CSMD2: variants seen among roughly 807,000 people sequenced by gnomAD.
The protein encoded by CSMD2 is CUB and Sushi multiple domains 2.
In CSMD2, 130 loss-of-function variants were observed where a neutral mutation model predicts 398.5. That is an observed-to-expected ratio of 0.33 (90% CI 0.28 to 0.38). CSMD2 has a LOEUF of 0.38. Among genes scored for constraint, CSMD2 ranks in the 10% least tolerant of loss-of-function variants. CSMD2 has a pLI of 1.00. For synonymous variants in CSMD2, 1,828 were observed against 1,908.5 expected (o/e 0.96, Z 1.10); for missense variants, 3,829 against 4,764.9 (o/e 0.80, Z 5.78).
chr1:33,705,217 C>A (rs182023708), intron 22 of CSMD2, among the ~76,000 whole-genome samples: 60 of 152,228 alleles, frequency 3.9e-4, no homozygotes, highest in Non-Finnish European at 7.4e-5. Context: ...ACTAACATAA[C>A]CATCACCTCA....
At chr1:33,620,906 A>G (rs1428523462) in intron 37 of CSMD2, among the ~76,000 whole-genome samples, 2 of 149,010 alleles carry the variant, frequency 1.3e-5, no homozygotes, top group African/African-American at 5.0e-5. Context: ...CAGCTGGATG[A>G]AGTTCATTTG....
rs570693861 is a variant in CSMD2 at position 34,155,438 on chromosome 1, G to A, written c.187+9473C>T. Among the ~76,000 whole-genome samples the A allele has an allele frequency of 8.5e-5, 13 of 152,328 alleles. No individual in the cohort carries two copies. The South Asian group carries it at 2.7e-3, about 32-fold the overall frequency. On this transcript the variant is annotated intron_variant, in intron 1 of 70. Transcript: ENST00000373381. ...CCTGGACGAATGTGTTAGTGAGAGT[G>A]AAGCCCAAGCAGTCAACTCTCCGAG...
At chr1:33,563,027 A>G (rs933383516) in intron 53 of CSMD2, among the ~76,000 whole-genome samples, 9 of 152,232 alleles carry the variant, frequency 5.9e-5, no homozygotes, top group Non-Finnish European at 2.9e-5. Flanking sequence ...ACAGGCTGCC[A>G]TGGGCAGAAG....
intron 2 of CSMD2, among the ~76,000 whole-genome samples, chr1:34,081,788 A>G (rs1181407591): frequency 6.6e-6 from 1 of 152,152 alleles, no homozygotes; most frequent in South Asian, 2.1e-4. Context: ...GGCCTCCCAA[A>G]GTGCTGACAT....
chr1:34,005,353 G>A (rs906758823), intron 3 of CSMD2, among the ~76,000 whole-genome samples: 1 of 152,230 alleles, frequency 6.6e-6, no homozygotes, highest in Admixed American at 6.5e-5. Flanking sequence ...AGAGGATTAG[G>A]TGGGGAGAGA....
rs1655878908 is a variant in CSMD2 at position 33,537,177 on chromosome 1, A to G, written c.9806-82T>C. 1.3e-6 allele frequency: 2 copies of G among 1,491,676 alleles called. No individual in the cohort carries two copies. Among genetic ancestry groups the G allele is most frequent in the East Asian group, 2.3e-5 (1 of 44,300 alleles). 92.4% of individuals were successfully genotyped at this position (1,491,676 alleles called of 1,614,324 possible). On this transcript the variant is annotated intron_variant, in intron 61 of 70. Transcript: ENST00000373381. This position sits in a 1 kb window ranked among gnomAD's most constrained non-coding sequence, Gnocchi z 4.6. ...ATCTCACTCTGGGAAATAGGTGTAG[A>G]AAAGAAAATGCGGCCACATCCTGAC...
intron 1 of CSMD2, among the ~76,000 whole-genome samples, chr1:34,156,892 T>TA (rs927542538): frequency 2.6e-5 from 4 of 152,274 alleles, no homozygotes; most frequent in African/African-American, 9.6e-5. Flanking sequence ...AGGTGGAAAG[T>TA]AAGAGAGTCT....
Position 33,611,183 on chromosome 1 carries a change from G to C in CSMD2, c.6201C>G (p.Gly2067=), listed in dbSNP as rs368219307. Residue 2067 remains glycine, a synonymous_variant, in exon 41 of 71, where the codon GGC becomes GGG. Transcript: ENST00000373381. ...CCATCATGCGGCTGGTCTCATAGGG[G>C]CCATTCCGGATTTCTATGTAGTCGT... ...PNHDYIEIRN[G]PYETSRMMGR... The C allele has an allele frequency of 6.2e-6, 10 of 1,614,012 alleles. No individual in the cohort carries two copies. In the African/African-American group the frequency reaches 6.7e-5, roughly 11 times the overall value.
At chr1:33,749,378 C>T (rs906040006) in intron 13 of CSMD2, among the ~76,000 whole-genome samples, 10 of 152,012 alleles carry the variant, frequency 6.6e-5, no homozygotes, top group Non-Finnish European at 1.0e-4. Flanking sequence ...GGATTACAGG[C>T]GTGAGCCACT....
Position 33,525,036 on chromosome 1 carries a change from C to T in CSMD2, c.10242G>A (p.Gly3414=). Residue 3414 remains glycine (G), a synonymous_variant, in exon 66 of 71, where the codon GGG becomes GGA. Coordinates refer to ENST00000373381, the MANE Select transcript of CSMD2 (RefSeq NM_001281956.2). ...EPPLTQALIP[G]DVFAKNSLWK... ...ACAGGGAATTCTTGGCAAAAACATC[C>T]CCAGGAACTAGAGGAATTGAGAAAT... 6.2e-7 allele frequency: 1 copy of T among 1,614,118 alleles called. No homozygotes were observed. Among genetic ancestry groups the T allele is most frequent in the South Asian group, 1.1e-5 (1 of 91,072 alleles).
intron 5 of CSMD2, among the ~76,000 whole-genome samples, chr1:33,905,472 C>T (rs1643031334): frequency 6.6e-6 from 1 of 152,144 alleles, no homozygotes; most frequent in African/African-American, 2.4e-5. Flanking sequence ...AGAAACGACA[C>T]TGGAATGGGC....
intron 3 of CSMD2, among the ~76,000 whole-genome samples, chr1:33,990,837 G>T (rs1032408743): frequency 3.3e-5 from 5 of 152,128 alleles, no homozygotes; most frequent in African/African-American, 1.2e-4. Flanking sequence ...GATTAGGGTT[G>T]CCAGATAAAA....
intron 3 of CSMD2, 59 bp from the exon 4 acceptor site, chr1:33,936,013 A>G: frequency 1.3e-6 from 2 of 1,483,562 alleles, no homozygotes; most frequent in Non-Finnish European, 1.8e-6. Flanking sequence ...GAGCCCTGAC[A>G]CCGGGCTTCC....
intron 1 of CSMD2, among the ~76,000 whole-genome samples, chr1:34,109,782 G>A (rs926563932): frequency 1.3e-5 from 2 of 152,122 alleles, no homozygotes; most frequent in Non-Finnish European, 2.9e-5. Flanking sequence ...GCTCATGCCT[G>A]TAATCTCAGC....
intron 13 of CSMD2, among the ~76,000 whole-genome samples, chr1:33,745,053 T>C (rs929532802): frequency 7.2e-5 from 11 of 152,214 alleles, no homozygotes; most frequent in Admixed American, 2.0e-4. Context: ...ACAAACTATA[T>C]GTCAGCCCAA....
At position 33,533,129 on chromosome 1, in the gene CSMD2, G is replaced by A. The variant is rs754519907; in HGVS notation, c.10092C>T (p.Gly3364=). The A allele has an allele frequency of 3.1e-6, 5 of 1,614,018 alleles. No homozygotes were observed. The highest frequency in any genetic ancestry group is 1.7e-4 in the Middle Eastern group (1 of 6,060). The change falls in exon 64 of 71, where the codon GGC becomes GGT. Residue 3364 remains glycine, a synonymous_variant. Transcript: ENST00000373381. This position sits in a 1 kb window ranked among gnomAD's most constrained non-coding sequence, Gnocchi z 4.2. The part of the protein sequence containing the change: ...GYTLIYSCQE[G]FSLKGGSEHR... ...GCTCGGAGCCACCCTTGAGGGAGAA[G>A]CCCTCCTGGCAGGAGTAGATGAGCG...
intron 5 of CSMD2, among the ~76,000 whole-genome samples, chr1:33,894,050 T>C (rs959680395): frequency 3.9e-5 from 6 of 152,302 alleles, no homozygotes; most frequent in African/African-American, 1.2e-4. Flanking sequence ...TGGGGCCACC[T>C]GGATAATGGA....
chr1:33,557,254 C>A (rs182202129), intron 55 of CSMD2, among the ~76,000 whole-genome samples: 1 of 152,104 alleles, frequency 6.6e-6, no homozygotes, highest in East Asian at 2.0e-4. Context: ...GAATTTTTCC[C>A]AAACCACACT....
intron 13 of CSMD2, among the ~76,000 whole-genome samples, chr1:33,758,158 C>A (rs1649308291): frequency 6.6e-6 from 1 of 152,188 alleles, no homozygotes; most frequent in Non-Finnish European, 1.5e-5. Context: ...ACCCTACACT[C>A]CAGTCAGATT....
Sources: gnomAD v4.1 joint callset for allele counts (sites outside exome capture counted in the v4.1 genomes callset) on GRCh38, gnomAD v4.1.1 for gene constraint, Gnocchi (gnomAD v3.1) non-coding constraint, MANE v1.5 for transcripts, NCBI Gene and HGNC (gene_info 2026-07-23, HGNC 2026-07-21) for gene names.